Variants in SYT17 observed in about 807,000 individuals in gnomAD.
The protein encoded by SYT17 is synaptotagmin-17.
In SYT17, 22 loss-of-function variants were observed where a neutral mutation model predicts 46.7. The ratio of observed to expected loss-of-function variants is 0.47; its 90% CI spans 0.34 to 0.67. The LOEUF (loss-of-function observed/expected upper bound fraction) is 0.67, where lower values mean the gene tolerates loss of function less well. Ranked by LOEUF, SYT17 falls within the 30% of genes least tolerant of loss-of-function variation. The probability of loss-of-function intolerance (pLI) is 0.01; values close to 1 mark genes in which losing one functional copy is unlikely to be tolerated. For missense variants in SYT17, 519 were observed against 612.8 expected (o/e 0.85, Z 1.62); for synonymous variants, 251 against 248.4 (o/e 1.01, Z -0.10).
In SYT17 at chr16:19,267,232, A is replaced by C; in HGVS notation, c.*156A>C. 3.0e-6 allele frequency: 2 copies of C among 659,854 alleles called. No individual in the cohort carries two copies. Among genetic ancestry groups the C allele is most frequent in the Non-Finnish European group, 4.8e-6 (2 of 414,860 alleles). The allele number at this position is 659,854 out of a possible 1,614,324, so 40.9% of individuals were successfully genotyped here. On this transcript the variant is annotated 3_prime_UTR_variant, in exon 8 of 8. Transcript: ENST00000355377. ...ACACACAGATACCCCAAATCCTCTCAGAACTGAGAGGAAGCTGACTATTGA... is the reference window on the plus strand; with the variant it reads ...ACACACAGATACCCCAAATCCTCTCCGAACTGAGAGGAAGCTGACTATTGA...
chr16:19,210,845 CT>C (rs1324894438), intron 5 of SYT17, among the ~76,000 whole-genome samples: 2 of 152,166 alleles, frequency 1.3e-5, no homozygotes, highest in Non-Finnish European at 2.9e-5. Context: ...ATTTGAAACC[CT>C]TTGCTAGGTG....
At chr16:19,258,810 C>G (rs1208009611) in intron 7 of SYT17, among the ~76,000 whole-genome samples, 2 of 152,132 alleles carry the variant, frequency 1.3e-5, no homozygotes, top group Admixed American at 1.3e-4. Flanking sequence ...GTGAGAAACC[C>G]TGCTCTGGAG....
At chr16:19,220,444 GCA>G (rs1966273286) in intron 5 of SYT17, among the ~76,000 whole-genome samples, 1 of 151,608 alleles carries the variant, frequency 6.6e-6, no homozygotes, top group Admixed American at 6.6e-5. Flanking sequence ...GATCACAGGT[GCA>G]CACCACCATG....
At chr16:19,213,983 CCA>C (rs1270683435) in intron 5 of SYT17, among the ~76,000 whole-genome samples, 6 of 152,184 alleles carry the variant, frequency 3.9e-5, no homozygotes, top group Non-Finnish European at 5.9e-5. Flanking sequence ...TTGGGCCAGA[CCA>C]TTCCTTGTTG....
chr16:19,175,239 T>A (rs1395361619), intron 3 of SYT17, among the ~76,000 whole-genome samples: 1 of 152,230 alleles, frequency 6.6e-6, no homozygotes, highest in Non-Finnish European at 1.5e-5. Flanking sequence ...AGAGATTAAT[T>A]AAACTGATAC....
intron 7 of SYT17, among the ~76,000 whole-genome samples, chr16:19,250,279 A>C (rs946054549): frequency 1.3e-5 from 2 of 151,730 alleles, no homozygotes; most frequent in African/African-American, 4.8e-5. Flanking sequence ...CATACATTTC[A>C]AAGTCAGTTG....
At chr16:19,228,583 AT>A (rs1449034463) in intron 7 of SYT17, among the ~76,000 whole-genome samples, 1 of 152,182 alleles carries the variant, frequency 6.6e-6, no homozygotes, top group Non-Finnish European at 1.5e-5. Flanking sequence ...ATAAGTAGCT[AT>A]TTTTTAAAAA....
intron 5 of SYT17, among the ~76,000 whole-genome samples, chr16:19,202,043 G>GT (rs927599225): frequency 2.0e-5 from 3 of 152,044 alleles, no homozygotes; most frequent in Admixed American, 6.6e-5. Flanking sequence ...AGTTTGTGGG[G>GT]TTTTTTTCCT....
intron 5 of SYT17, among the ~76,000 whole-genome samples, chr16:19,193,999 G>A (rs1054827050): frequency 2.0e-5 from 3 of 152,188 alleles, no homozygotes; most frequent in African/African-American, 7.2e-5. Flanking sequence ...CACCTTTAGC[G>A]TTGCTACACT....
intron 5 of SYT17, among the ~76,000 whole-genome samples, chr16:19,198,063 C>G (rs1965321909): frequency 6.6e-6 from 1 of 152,180 alleles, no homozygotes; most frequent in Non-Finnish European, 1.5e-5. Flanking sequence ...ATTTCCTTGT[C>G]TGTAAATGGG....
chr16:19,198,601 C>T (rs1286561947), intron 5 of SYT17, among the ~76,000 whole-genome samples: 1 of 152,098 alleles, frequency 6.6e-6, no homozygotes, highest in Non-Finnish European at 1.5e-5. Flanking sequence ...AGTAACTTAC[C>T]CAAGGCCATG....
chr16:19,202,188 C>T (rs1965493314), intron 5 of SYT17, among the ~76,000 whole-genome samples: 1 of 152,148 alleles, frequency 6.6e-6, no homozygotes, highest in African/African-American at 2.4e-5. Flanking sequence ...GCCCCTGCTT[C>T]AGATACCAGT....
chr16:19,239,446 C>T (rs1966929114), intron 7 of SYT17, among the ~76,000 whole-genome samples: 1 of 152,118 alleles, frequency 6.6e-6, no homozygotes, highest in Admixed American at 6.5e-5. Context: ...AAACCAGACT[C>T]CCAGAGTTTA....
At chr16:19,180,135 C>A in intron 3 of SYT17, 1 of 437,112 alleles carries the variant, frequency 2.3e-6, no homozygotes, top group Non-Finnish European at 4.2e-6. Flanking sequence ...CCACCCAACC[C>A]CAGCTTTGAA....
intron 5 of SYT17, among the ~76,000 whole-genome samples, chr16:19,208,374 C>A (rs1222701870): frequency 6.6e-6 from 1 of 152,144 alleles, no homozygotes; most frequent in Non-Finnish European, 1.5e-5. Flanking sequence ...CGTTGACTCA[C>A]CGTTCTGCAT....
intron 7 of SYT17, 92 bp from the exon 8 acceptor site, chr16:19,266,788 G>A (rs1969390143): frequency 8.5e-7 from 1 of 1,169,694 alleles, no homozygotes; most frequent in Non-Finnish European, 1.2e-6. Flanking sequence ...CAAATGTGTA[G>A]ACTAATGGCC....
intron 5 of SYT17, among the ~76,000 whole-genome samples, chr16:19,210,600 G>A (rs1567214110): frequency 6.6e-6 from 1 of 151,520 alleles, no homozygotes; most frequent in African/African-American, 2.4e-5. Flanking sequence ...CAAAGACTGG[G>A]AAAAAAAGTG....
chr16:19,205,147 A>G (rs1567211461), intron 5 of SYT17, among the ~76,000 whole-genome samples: 1 of 152,160 alleles, frequency 6.6e-6, no homozygotes, highest in Non-Finnish European at 1.5e-5. Flanking sequence ...ATGTCAGTTC[A>G]TGTCTTACTC....
intron 7 of SYT17, among the ~76,000 whole-genome samples, chr16:19,235,173 T>G (rs1450021927): frequency 6.6e-6 from 1 of 151,716 alleles, no homozygotes; most frequent in East Asian, 1.9e-4. Context: ...GTATGGGGAG[T>G]ATTATAAAGG....
Sources: allele counts gnomAD v4.1 joint callset (sites outside exome capture counted in the v4.1 genomes callset), GRCh38; gene constraint gnomAD v4.1.1; transcripts MANE v1.5; gene names NCBI Gene and HGNC (gene_info 2026-07-23, HGNC 2026-07-21).